BRD10: variants seen among roughly 807,000 people sequenced by gnomAD.
The protein encoded by BRD10 is uncharacterized bromodomain-containing protein 10.
chr9:5,950,313 CCTG>C, the BRD10 span, among the ~76,000 whole-genome samples: 2 of 152,138 alleles, frequency 1.3e-5, no homozygotes, highest in African/African-American at 4.8e-5. Context: ...AAGCGACTGA[CCTG>C]CTTATTTGAA....
chr9:5,970,747 T>C, the BRD10 span, among the ~76,000 whole-genome samples: 1 of 152,010 alleles, frequency 6.6e-6, no homozygotes, highest in Non-Finnish European at 1.5e-5. Context: ...AAAGGACAAA[T>C]AGCCCAGTTA....
chr9:5,950,710 C>T, the BRD10 span, among the ~76,000 whole-genome samples: 12 of 152,074 alleles, frequency 7.9e-5, no homozygotes, highest in African/African-American at 2.9e-4. Context: ...TACAGTCGTC[C>T]CTCGGTATCC....
the BRD10 span, among the ~76,000 whole-genome samples, chr9:5,917,783 G>A: frequency 6.6e-5 from 10 of 152,298 alleles, no homozygotes; most frequent in Admixed American, 1.3e-4. Flanking sequence ...AATCCAGGAG[G>A]CAGAGGTTGC....
the BRD10 span, among the ~76,000 whole-genome samples, chr9:5,977,344 CA>C: frequency 6.6e-6 from 1 of 152,134 alleles, no homozygotes; most frequent in South Asian, 2.1e-4. Flanking sequence ...TGAGGAAGGA[CA>C]AAAAAGTACA....
At chr9:5,919,522 G>A in the BRD10 span, 1 of 504,310 alleles carries the variant, frequency 2.0e-6, no homozygotes, top group East Asian at 4.1e-5. Flanking sequence ...CTTGTTGCAA[G>A]CTAATGAAAA....
chr9:5,933,270 A>C, the BRD10 span, among the ~76,000 whole-genome samples: 1 of 152,256 alleles, frequency 6.6e-6, no homozygotes, highest in Non-Finnish European at 1.5e-5. Context: ...TAGGCAAACA[A>C]TACTGAGAGA....
At chr9:5,958,552 G>A in the BRD10 span, among the ~76,000 whole-genome samples, 28 of 152,268 alleles carry the variant, frequency 1.8e-4, no homozygotes, top group Admixed American at 1.4e-3. Context: ...CTTGGGAGGC[G>A]GAGGTGAGAG....
the BRD10 span, among the ~76,000 whole-genome samples, chr9:6,005,040 GA>G: frequency 1.3e-5 from 2 of 152,146 alleles, no homozygotes; most frequent in Non-Finnish European, 2.9e-5. Context: ...AAGAATGTCA[GA>G]AATACATTAT....
the BRD10 span, among the ~76,000 whole-genome samples, chr9:5,925,311 A>G: frequency 6.6e-6 from 1 of 151,008 alleles, no homozygotes; most frequent in African/African-American, 2.4e-5. Flanking sequence ...GTGAGCCAAG[A>G]TCATGCCACT....
At chr9:5,894,577 CA>C in the BRD10 span, among the ~76,000 whole-genome samples, 1 of 152,150 alleles carries the variant, frequency 6.6e-6, no homozygotes, top group African/African-American at 2.4e-5. This position sits in a 1 kb window ranked among gnomAD's most constrained non-coding sequence, Gnocchi z 4.0. Flanking sequence ...GGGCATGAAT[CA>C]AATACTCAGG....
chr9:5,994,552 C>T, the BRD10 span, among the ~76,000 whole-genome samples: 1 of 152,142 alleles, frequency 6.6e-6, no homozygotes, highest in Non-Finnish European at 1.5e-5. Flanking sequence ...TCCTTCAGAC[C>T]TCCAGTCCCT....
At chr9:5,913,284 G>T in the BRD10 span, among the ~76,000 whole-genome samples, 1 of 152,184 alleles carries the variant, frequency 6.6e-6, no homozygotes, top group East Asian at 1.9e-4. Context: ...AGGTTCACTT[G>T]TCACTTGAGA....
At chr9:5,919,676 G>C in the BRD10 span, 1 of 1,587,336 alleles carries the variant, frequency 6.3e-7, no homozygotes, top group Non-Finnish European at 8.6e-7. Flanking sequence ...GGCTCTTTTA[G>C]TCTAAATTCA....
the BRD10 span, among the ~76,000 whole-genome samples, chr9:5,916,970 G>C: frequency 6.6e-6 from 1 of 152,148 alleles, no homozygotes; most frequent in African/African-American, 2.4e-5. Context: ...AAAGGAATTT[G>C]GGTTTTTGAA....
chr9:6,006,386 T>G, the BRD10 span, among the ~76,000 whole-genome samples: 1 of 152,216 alleles, frequency 6.6e-6, no homozygotes, highest in Non-Finnish European at 1.5e-5. Flanking sequence ...ACCAAAAACA[T>G]TGAATTTTTC....
chr9:5,934,838 T>C, the BRD10 span, among the ~76,000 whole-genome samples: 1 of 152,208 alleles, frequency 6.6e-6, no homozygotes, highest in Non-Finnish European at 1.5e-5. Context: ...TAAACTCACA[T>C]GTATAAAAAC....
chr9:5,998,349 CAT>C, the BRD10 span, among the ~76,000 whole-genome samples: 5 of 152,064 alleles, frequency 3.3e-5, no homozygotes, highest in African/African-American at 1.2e-4. Flanking sequence ...AAAAAGTCTA[CAT>C]ATATTAGTTA....
the BRD10 span, among the ~76,000 whole-genome samples, chr9:5,981,910 A>C: frequency 6.6e-6 from 1 of 152,146 alleles, no homozygotes; most frequent in African/African-American, 2.4e-5. Context: ...GAGATAAAAG[A>C]CCATACTTTG....
At chr9:5,923,849 G>C in the BRD10 span, among the ~76,000 whole-genome samples, 1 of 152,086 alleles carries the variant, frequency 6.6e-6, no homozygotes, top group Non-Finnish European at 1.5e-5. Context: ...CTCTTAATTT[G>C]CCAAAGATGG....
Sources: gnomAD v4.1 joint callset for allele counts (sites outside exome capture counted in the v4.1 genomes callset) on GRCh38, gnomAD v4.1.1 for gene constraint, Gnocchi (gnomAD v3.1) non-coding constraint, MANE v1.5 for transcripts, NCBI Gene and HGNC (gene_info 2026-07-23, HGNC 2026-07-21) for gene names.